The following PARD3B variants were observed in gnomAD, a reference collection of about 807,000 sequenced individuals.
The protein encoded by PARD3B is partitioning defective 3 homolog B.
Under a neutral mutation model 130.2 loss-of-function variants are expected in PARD3B, and 103 were observed. The observed-to-expected ratio is 0.79, with a 90% CI of 0.67 to 0.93. The LOEUF (loss-of-function observed/expected upper bound fraction) is 0.93, where lower values mean the gene tolerates loss of function less well. PARD3B is among the 40% of genes least tolerant of loss of function. The pLI is 0.00. For missense variants in PARD3B, 1,609 were observed against 1,499.2 expected, an observed-to-expected ratio of 1.07 and a Z score of -1.21; for synonymous variants, 583 against 553.2, an observed-to-expected ratio of 1.05 and a Z score of -0.76.
chr2:205,156,717 G>T (rs2034194490), intron 10 of PARD3B, among the ~76,000 whole-genome samples: 1 of 152,062 alleles, frequency 6.6e-6, no homozygotes. Context: ...TGAAGCATAA[G>T]TGTATTAATA....
intron 16 of PARD3B, among the ~76,000 whole-genome samples, chr2:205,299,033 T>C (rs1335660414): frequency 6.6e-6 from 1 of 152,200 alleles, no homozygotes; most frequent in African/African-American, 2.4e-5. Context: ...TTACTGTGGG[T>C]GAGGCATTTA....
At chr2:204,631,000 G>GTTTGCTAGC (rs2034659820) in intron 1 of PARD3B, among the ~76,000 whole-genome samples, 1 of 151,952 alleles carries the variant, frequency 6.6e-6, no homozygotes, top group Non-Finnish European at 1.5e-5. Flanking sequence ...TAGCTTTGGG[G>GTTTGCTAGC]TTTGTTTGCT....
chr2:205,507,416 G>A (rs1038718268), intron 21 of PARD3B, among the ~76,000 whole-genome samples: 14 of 151,588 alleles, frequency 9.2e-5, no homozygotes, highest in Admixed American at 1.3e-4. Flanking sequence ...GGGTTTCACC[G>A]TGTTAGCCAG....
chr2:205,380,476 T>C, intron 18 of PARD3B, among the ~76,000 whole-genome samples: 1 of 47,536 alleles, frequency 2.1e-5, no homozygotes, highest in Non-Finnish European at 3.5e-5. Context: ...AGAATATATA[T>C]TATATATAAT....
chr2:205,533,340 G>T (rs568882931), intron 21 of PARD3B, among the ~76,000 whole-genome samples: 1 of 152,254 alleles, frequency 6.6e-6, no homozygotes, highest in Non-Finnish European at 1.5e-5. Context: ...GATGACAGAA[G>T]ACAAATAATG....
intron 2 of PARD3B, 48 bp downstream of exon 2, chr2:204,686,330 C>T (rs2037085299): frequency 7.5e-7 from 1 of 1,337,548 alleles, no homozygotes; most frequent in African/African-American, 1.4e-5. Context: ...TACAGAGCTG[C>T]ATGTTTTCAA....
chr2:205,085,511 A>G (rs1701688980), intron 4 of PARD3B, among the ~76,000 whole-genome samples: 1 of 152,006 alleles, frequency 6.6e-6, no homozygotes, highest in Admixed American at 6.5e-5. Flanking sequence ...TTTATGTAAA[A>G]ATTGTTGCCA....
chr2:205,124,259 C>T lies in PARD3B; in HGVS notation c.1166-68C>T, dbSNP rs1179769942. On this transcript the variant is annotated intron_variant, in intron 8 of 22. Transcript: ENST00000406610. ...ATTAGTCTAAATTAGGTAGATCTTA[C>T]TGTAAGACTGAATATAATATTACTC... The T allele has an allele frequency of 4.8e-6, 6 of 1,242,982 alleles. No homozygotes were observed. In the African/African-American group the frequency reaches 6.2e-5, roughly 13 times the overall value. 77.0% of individuals were successfully genotyped at this position (1,242,982 alleles called of 1,614,324 possible). A position where few individuals can be genotyped will look rare whatever the true frequency, so the allele number is the denominator to read the frequency against.
chr2:205,234,709 A>G (rs2038986599), intron 15 of PARD3B, among the ~76,000 whole-genome samples: 2 of 152,224 alleles, frequency 1.3e-5, no homozygotes, highest in African/African-American at 4.8e-5. Flanking sequence ...ACGTTTATAG[A>G]ACACTCTGCA....
At chr2:205,186,065 G>T (rs193269719) in intron 14 of PARD3B, among the ~76,000 whole-genome samples, 67 of 152,060 alleles carry the variant, frequency 4.4e-4, no homozygotes, top group Non-Finnish European at 7.4e-4. Context: ...TTGCTTCCTG[G>T]TATTTGTTAA....
intron 21 of PARD3B, among the ~76,000 whole-genome samples, chr2:205,532,848 C>T (rs1346657330): frequency 6.6e-6 from 1 of 152,084 alleles, no homozygotes. Context: ...CCCTTCTCTG[C>T]GAATCATTCC....
At chr2:205,537,080 A>T (rs1287475655) in intron 21 of PARD3B, among the ~76,000 whole-genome samples, 1 of 152,144 alleles carries the variant, frequency 6.6e-6, no homozygotes, top group Non-Finnish European at 1.5e-5. Context: ...TTCCTTATAT[A>T]TTCTTTTGCC....
At chr2:205,505,869 G>A (rs994043) in intron 21 of PARD3B, among the ~76,000 whole-genome samples, 62,103 of 151,728 alleles carry the variant, frequency 0.41, 13,192 homozygotes, top group Admixed American at 0.5. Flanking sequence ...TTATCCCCCC[G>A]CCCAACCTTT....
At chr2:204,972,832 C>T (rs1691824204) in intron 3 of PARD3B, among the ~76,000 whole-genome samples, 1 of 152,138 alleles carries the variant, frequency 6.6e-6, no homozygotes. Flanking sequence ...CCTTTCCTAC[C>T]ATTCACTTGA....
intron 2 of PARD3B, among the ~76,000 whole-genome samples, chr2:204,884,400 C>T (rs1012386481): frequency 6.6e-6 from 1 of 152,140 alleles, no homozygotes; most frequent in East Asian, 1.9e-4. Flanking sequence ...TTGAAGTCAT[C>T]ATGAAATGTA....
chr2:205,038,099 T>C (rs1698137167), intron 3 of PARD3B, among the ~76,000 whole-genome samples: 1 of 152,114 alleles, frequency 6.6e-6, no homozygotes, highest in African/African-American at 2.4e-5. Context: ...AGGACATTTT[T>C]AGGTGATGGC....
chr2:205,533,862 G>C (rs2051715672), intron 21 of PARD3B, among the ~76,000 whole-genome samples: 1 of 152,086 alleles, frequency 6.6e-6, no homozygotes, highest in East Asian at 1.9e-4. Context: ...CAAGTATCTG[G>C]AACTACAGGC....
chr2:204,565,402 A>C (rs1559159317), intron 1 of PARD3B, among the ~76,000 whole-genome samples: 2 of 152,228 alleles, frequency 1.3e-5, no homozygotes, highest in African/African-American at 4.8e-5. Context: ...GCATTGGTTC[A>C]TGTGGTACTT....
chr2:205,600,375 G>A (rs2054737617), intron 22 of PARD3B, among the ~76,000 whole-genome samples: 1 of 152,118 alleles, frequency 6.6e-6, no homozygotes, highest in Non-Finnish European at 1.5e-5. Context: ...AGGTGCCTAG[G>A]GAACCTCCAA....
Sources: gnomAD v4.1 joint callset for allele counts (sites outside exome capture counted in the v4.1 genomes callset) on GRCh38, gnomAD v4.1.1 for gene constraint, MANE v1.5 for transcripts, NCBI Gene and HGNC (gene_info 2026-07-23, HGNC 2026-07-21) for gene names.